Variants in SSBP3 observed in about 807,000 individuals in gnomAD.
SSBP3 encodes single-stranded DNA-binding protein 3.
A neutral mutation model predicts 69.6 loss-of-function variants in SSBP3; 5 were observed. That is an observed-to-expected ratio of 0.07 (90% CI 0.04 to 0.15). The LOEUF (loss-of-function observed/expected upper bound fraction) is 0.15. Among genes scored for constraint, SSBP3 ranks in the 10% least tolerant of loss-of-function variants. The pLI is 1.00. For missense variants in SSBP3, 312 were observed against 534.0 expected (o/e 0.58, Z 4.10); for synonymous variants, 196 against 193.4 (o/e 1.01, Z -0.11).
chr1:54,343,595 C>G (rs1267786556), intron 4 of SSBP3, among the ~76,000 whole-genome samples: 1 of 152,236 alleles, frequency 6.6e-6, no homozygotes, highest in Non-Finnish European at 1.5e-5. Context: ...CAAACCCCAA[C>G]CCCTGGCCTT....
At chr1:54,396,200 A>T (rs1315310843) in intron 4 of SSBP3, among the ~76,000 whole-genome samples, 1 of 126,370 alleles carries the variant, frequency 7.9e-6, no homozygotes, top group Non-Finnish European at 1.9e-5. Flanking sequence ...TCAGAAAAAA[A>T]AAAAAAAAAA....
At chr1:54,391,456 C>T (rs1648487966) in intron 4 of SSBP3, among the ~76,000 whole-genome samples, 1 of 152,206 alleles carries the variant, frequency 6.6e-6, no homozygotes, top group African/African-American at 2.4e-5. Context: ...CCATTTCCAT[C>T]CGGTCTATAA....
chr1:54,253,108 C>T (rs906575704), intron 7 of SSBP3, among the ~76,000 whole-genome samples: 6 of 149,658 alleles, frequency 4.0e-5, no homozygotes, highest in Non-Finnish European at 1.5e-5. Flanking sequence ...GGTTAAGGTA[C>T]GAGAGGATTG....
At chr1:54,316,657 AAATAAAATAAATAAATAAATAAAT>A (rs1340630197) in intron 4 of SSBP3, among the ~76,000 whole-genome samples, 1 of 37,918 alleles carries the variant, frequency 2.6e-5, no homozygotes, top group Non-Finnish European at 4.6e-5. Context: ...CAAAAAAAAA[AAATAAAATAAATAAATAAATAAAT>A]AAATAAATAA....
intron 4 of SSBP3, among the ~76,000 whole-genome samples, chr1:54,398,236 G>C (rs1011070603): frequency 2.6e-5 from 4 of 152,160 alleles, no homozygotes; most frequent in Non-Finnish European, 4.4e-5. Flanking sequence ...CAACCGACGA[G>C]GCAGCTGCAA....
intron 5 of SSBP3, among the ~76,000 whole-genome samples, chr1:54,262,528 G>A (rs1011743025): frequency 1.2e-4 from 19 of 152,226 alleles, no homozygotes; most frequent in African/African-American, 3.9e-4. Context: ...GGGGTCTGGA[G>A]GCACATCAGA....
At chr1:54,235,222 G>A (rs902022827) in intron 14 of SSBP3, among the ~76,000 whole-genome samples, 6 of 151,418 alleles carry the variant, frequency 4.0e-5, no homozygotes, top group Admixed American at 1.3e-4. Flanking sequence ...TGTCAATCAG[G>A]CCTTTGCATC....
At position 54,267,298 on chromosome 1, in the gene SSBP3, T is replaced by G. The variant is rs368785426; in HGVS notation, c.367-9149A>C. ...CTCTTTTCAAGAACACAGCCCAATA[T>G]CCATAACATATGTGCAGAGCCCACC... On this transcript the variant is annotated intron_variant, in intron 5 of 17. Transcript: ENST00000610401. Among the ~76,000 whole-genome samples, 3 of 152,160 alleles carry G rather than the reference T, an allele frequency of 2.0e-5. No homozygotes were observed. The East Asian group carries it at 5.8e-4, about 29-fold the overall frequency.
intron 5 of SSBP3, among the ~76,000 whole-genome samples, chr1:54,262,460 T>C (rs1315124812): frequency 6.6e-6 from 1 of 152,138 alleles, no homozygotes; most frequent in Non-Finnish European, 1.5e-5. Context: ...CTGAAGGACT[T>C]GGGAGAGCAC....
intron 4 of SSBP3, among the ~76,000 whole-genome samples, chr1:54,330,064 T>C (rs576882677): frequency 3.0e-4 from 45 of 152,228 alleles, no homozygotes; most frequent in African/African-American, 1.1e-3. Flanking sequence ...TGGGATATTA[T>C]ATGGTCCCCT....
chr1:54,294,159 A>AAAAG (rs747680453), intron 4 of SSBP3, among the ~76,000 whole-genome samples: 1,283 of 85,880 alleles, frequency 0.015, 22 homozygotes, highest in African/African-American at 0.022. Flanking sequence ...AAAAAAAAAA[A>AAAAG]AAAGAAAGAA....
intron 1 of SSBP3, chr1:54,412,567 T>G (rs1036749332): frequency 6.6e-6 from 1 of 152,116 alleles, no homozygotes; most frequent in Non-Finnish European, 1.5e-5. Context: ...TAGCGTTTAA[T>G]GATAATAGAG....
chr1:54,395,580 TG>T (rs1052886603), intron 4 of SSBP3, among the ~76,000 whole-genome samples: 1 of 151,876 alleles, frequency 6.6e-6, no homozygotes, highest in African/African-American at 2.4e-5. Flanking sequence ...GGACGGGCGG[TG>T]GGGGGGTTTA....
intron 4 of SSBP3, among the ~76,000 whole-genome samples, chr1:54,288,406 G>A (rs1374615383): frequency 6.6e-6 from 1 of 152,172 alleles, no homozygotes; most frequent in African/African-American, 2.4e-5. Context: ...GCCACGTATA[G>A]ACAACAAAAG....
In SSBP3 at chr1:54,315,636, G is replaced by T. The variant is rs527874697; in HGVS notation, c.277-34109C>A. On this transcript the variant is annotated intron_variant, in intron 4 of 17. Coordinates refer to ENST00000610401, the Ensembl canonical transcript of SSBP3. ...AAAAAAGGTCTTGCTCTATCGCCCA[G>T]GCTGGAGTACAGTAGTGTGATCTCT... 9.3e-5 allele frequency among the ~76,000 whole-genome samples: 14 copies of T among 150,160 alleles called. No homozygotes were observed. The South Asian group carries it at 3.0e-3, about 32-fold the overall frequency.
chr1:54,239,129 G>A lies in SSBP3; in HGVS notation c.927C>T (p.Asn309=), dbSNP rs533940033. 5.6e-5 allele frequency: 90 copies of A among 1,613,236 alleles called. 1 individual carries two copies. The highest frequency in any genetic ancestry group is 4.4e-4 in the South Asian group (40 of 91,044). Reference sequence around the variant, plus strand: ...GTAAATTATTAGAAAGCAGACTTACGTTGGACCGGCTGCCTCCAGGCGGCA... The same window carrying A: ...GTAAATTATTAGAAAGCAGACTTACATTGGACCGGCTGCCTCCAGGCGGCA... Residue 309 remains asparagine, a splice_region_variant and synonymous_variant, in exon 14 of 18, where the codon AAC becomes AAT. Transcript: ENST00000610401.
At chr1:54,269,449 A>G (rs1443787058) in intron 5 of SSBP3, among the ~76,000 whole-genome samples, 2 of 152,224 alleles carry the variant, frequency 1.3e-5, no homozygotes, top group African/African-American at 4.8e-5. Flanking sequence ...AGGAAGGGAA[A>G]GCTGCTTCCC....
chr1:54,244,466 C>T (rs1478173390), intron 9 of SSBP3, among the ~76,000 whole-genome samples: 3 of 151,022 alleles, frequency 2.0e-5, no homozygotes, highest in African/African-American at 4.9e-5. Context: ...AGGCTGGTCT[C>T]GAACTCCTGG....
At chr1:54,360,490 T>G (rs1646933579) in intron 4 of SSBP3, among the ~76,000 whole-genome samples, 1 of 152,156 alleles carries the variant, frequency 6.6e-6, no homozygotes, top group Non-Finnish European at 1.5e-5. Flanking sequence ...TGGAAGGGGC[T>G]CAGGGGTCCC....
Sources: gnomAD v4.1 joint callset for allele counts (sites outside exome capture counted in the v4.1 genomes callset) on GRCh38, gnomAD v4.1.1 for gene constraint, MANE v1.5 for transcripts, NCBI Gene and HGNC (gene_info 2026-07-23, HGNC 2026-07-21) for gene names.